MUC17: variants seen among roughly 807,000 people sequenced by gnomAD.
MUC17 encodes the protein mucin-17.
MUC17 carries 190 observed loss-of-function variants against 170.3 expected under a neutral mutation model. The observed-to-expected ratio is 1.12, with a 90% CI of 0.99 to 1.26. MUC17 has a LOEUF of 1.26. Among genes scored for constraint, MUC17 ranks in the 50% most tolerant of loss-of-function variants. The probability of loss-of-function intolerance (pLI) is 0.00; values close to 1 mark genes in which losing one functional copy is unlikely to be tolerated. For missense variants in MUC17, 6,415 were observed against 5,530.0 expected, an observed-to-expected ratio of 1.16 and a Z score of -5.08; for synonymous variants, 2,325 against 2,002.5, an observed-to-expected ratio of 1.16 and a Z score of -4.30.
Position 101,058,074 on chromosome 7 carries a change from G to A in MUC17, c.*30G>A, listed in dbSNP as rs768859443. The A allele has an allele frequency of 2.4e-5, 39 of 1,604,846 alleles. No homozygotes were observed. The South Asian group carries it at 4.3e-4, about 18-fold the overall frequency. ...TGGAGCTGAGAAGTCTGGGAGTGAG[G>A]AGATCCCAGTCCGGCTAAGCTTGGT... On this transcript the variant is annotated 3_prime_UTR_variant, in exon 13 of 13. Coordinates refer to ENST00000306151, the MANE Select transcript of MUC17 (RefSeq NM_001040105.2).
intron 11 of MUC17, among the ~76,000 whole-genome samples, chr7:101,055,286 G>A (rs1051849675): frequency 5.9e-5 from 9 of 151,968 alleles, no homozygotes; most frequent in Admixed American, 1.3e-4. Flanking sequence ...CACTGTCGGT[G>A]GGAGGTACAT....
rs1242247744 is a variant in MUC17 at position 101,051,809 on chromosome 7, G to A, written c.12950G>A (p.Cys4317Tyr). 6.2e-7 allele frequency: 1 copy of A among 1,613,436 alleles called. No homozygotes were observed. The highest frequency in any genetic ancestry group is 1.7e-5 in the Admixed American group (1 of 59,996). The stretch of plus-strand genomic sequence containing the variant: ...TCCCTGCACCCCCCACCAGAGGACT[G>A]CCGGAAGATGGCCAAGGAATATGGA... ...TVTQYDPEED[C>Y]RKMAKEYGDY... Residue 4317 changes from cysteine to tyrosine, a missense_variant, in exon 9 of 13, where the codon TGC (cysteine) becomes TAC (tyrosine). Transcript: ENST00000306151.
rs371664795 is a variant in MUC17, at chr7:101,034,393, A to C, written c.2977A>C (p.Thr993Pro). The C allele has an allele frequency of 1.7e-5, 28 of 1,608,174 alleles. No individual in the cohort carries two copies. The African/African-American group carries it at 3.8e-4, about 22-fold the overall frequency. Residue 993 changes from threonine to proline, a missense_variant, in exon 3 of 13, where the codon ACG (threonine) becomes CCG (proline). Physicochemically the swap from Thr to Pro is conservative, Grantham distance 38 (BLOSUM62 -1). Coordinates refer to ENST00000306151, the MANE Select transcript of MUC17 (RefSeq NM_001040105.2). ...TPLTSTPVSHTLVANSEASTL... is the reference protein window; with the variant it reads ...TPLTSTPVSHPLVANSEASTL... ...ATTAACAAGCACACCTGTCAGCCAC[A>C]CGCTGGTGGCCAATTCTGAGGCTAG...
chr7:101,035,485 C>A lies in MUC17; in HGVS notation c.4069C>A (p.Leu1357Ile), dbSNP rs762163753. ...TLVASSAISI[L>I]STTPVDNSTP... ...GGTGGCCAGTTCTGCAATCAGCATC[C>A]TTTCAACAACTCCTGTTGACAACAG... The change falls in exon 3 of 13, where the codon CTT becomes ATT. Residue 1357 changes from leucine to isoleucine, a missense_variant. Physicochemically the swap from Leu to Ile is conservative, Grantham distance 5 (BLOSUM62 2). Coordinates refer to ENST00000306151, the MANE Select transcript of MUC17 (RefSeq NM_001040105.2). The A allele has an allele frequency of 2.5e-6, 4 of 1,602,416 alleles. No individual in the cohort carries two copies. The highest frequency in any genetic ancestry group is 1.1e-5 in the South Asian group (1 of 90,384).
intron 11 of MUC17, among the ~76,000 whole-genome samples, chr7:101,055,399 C>T (rs552700749): frequency 6.6e-6 from 1 of 152,064 alleles, no homozygotes; most frequent in Non-Finnish European, 1.5e-5. Context: ...GTACTCATTG[C>T]AGGCACATAA....
rs769288121 is a variant in MUC17 at position 101,037,733 on chromosome 7, G to A, written c.6317G>A (p.Ser2106Asn). The A allele has an allele frequency of 1.2e-6, 2 of 1,613,398 alleles. No homozygotes were observed. The highest frequency in any genetic ancestry group is 1.7e-4 in the Middle Eastern group (1 of 6,058). The change falls in exon 3 of 13, where the codon AGT becomes AAT. Residue 2106 changes from serine (S) to asparagine (N), a missense_variant. By Grantham distance (46) the Ser-to-Asn change is conservative. Coordinates refer to ENST00000306151, the MANE Select transcript of MUC17 (RefSeq NM_001040105.2). ...APSEGSPLLTSIPLSTTPVAS... is the reference protein window; with the variant it reads ...APSEGSPLLTNIPLSTTPVAS... ...AGTGAAGGAAGTCCTCTACTAACAA[G>A]TATACCTCTCAGCACCACGCCGGTG...
At position 101,036,056 on chromosome 7, in the gene MUC17, C is replaced by A. The variant is rs751085838; in HGVS notation, c.4640C>A (p.Thr1547Asn). 1 of 1,612,232 alleles carries A rather than the reference C, an allele frequency of 6.2e-7. No homozygotes were observed. Among genetic ancestry groups the A allele is most frequent in the South Asian group, 1.1e-5 (1 of 90,876 alleles). Residue 1547 changes from threonine (T) to asparagine (N), a missense_variant, in exon 3 of 13, where the codon ACT (threonine) becomes AAT (asparagine). Coordinates refer to ENST00000306151, the MANE Select transcript of MUC17 (RefSeq NM_001040105.2). ...TPAVTSTPVT[T>N]YSQASSSPTT... Reference sequence around the variant, plus strand: ...GCTGTCACCAGCACACCTGTGACCACTTATTCTCAAGCCAGTTCATCTCCT... The same window carrying A: ...GCTGTCACCAGCACACCTGTGACCAATTATTCTCAAGCCAGTTCATCTCCT...
intron 11 of MUC17, among the ~76,000 whole-genome samples, chr7:101,054,057 CAAAAAAAAAAAAAAAAA>C (rs58623975): frequency 1.7e-3 from 67 of 40,384 alleles, no homozygotes; most frequent in East Asian, 5.1e-3. Flanking sequence ...AAGACCCTGT[CAAAAAAAAAAAAAAAAA>C]AAAAAAAAAA....
Position 101,038,566 on chromosome 7 carries a change from G to A in MUC17, c.7150G>A (p.Asp2384Asn), listed in dbSNP as rs577539877. The change falls in exon 3 of 13, where the codon GAT (aspartate) becomes AAT (asparagine). Residue 2384 changes from aspartate to asparagine, a missense_variant. Transcript: ENST00000306151. Reference protein sequence around the residue: ...QAGSSPTTADDTSMPTSTYSE... With the variant: ...QAGSSPTTADNTSMPTSTYSE... The stretch of plus-strand genomic sequence containing the variant: ...CGGTTCATCTCCTACAACTGCTGAC[G>A]ATACTAGCATGCCAACCTCAACTTA... 16 of 1,614,070 alleles carry A rather than the reference G, an allele frequency of 9.9e-6. No homozygotes were observed. In the African/African-American group the frequency reaches 1.2e-4, roughly 12 times the overall value.
intron 1 of MUC17, among the ~76,000 whole-genome samples, chr7:101,028,828 C>T (rs1318545945): frequency 6.6e-6 from 1 of 152,050 alleles, no homozygotes; most frequent in Non-Finnish European, 1.5e-5. Context: ...TTTGAGGTTG[C>T]AGTAAGCTAT....
chr7:101,021,191 T>C (rs940829690), intron 1 of MUC17, among the ~76,000 whole-genome samples: 2 of 146,066 alleles, frequency 1.4e-5, no homozygotes, highest in Non-Finnish European at 1.5e-5. Context: ...CTTTTTTTTT[T>C]TTTTTTTTTT....
In MUC17 at chr7:101,050,573, T is replaced by C. The variant is rs1440072900; in HGVS notation, c.12812T>C (p.Val4271Ala). Residue 4271 changes from valine to alanine, a missense_variant, in exon 7 of 13, where the codon GTA (valine) becomes GCA (alanine). Val to Ala is a moderately conservative substitution (Grantham distance 64). Transcript: ENST00000306151. ...YKTVLDNATEVVKEKITKVTT... is the reference protein window; with the variant it reads ...YKTVLDNATEAVKEKITKVTT... ...ACAGTATTGGACAATGCCACCGAAG[T>C]AGTGAAAGAGAAAATCACAAAAGTG... is the stretch of plus-strand genomic sequence containing the variant. 2.5e-6 allele frequency: 4 copies of C among 1,614,060 alleles called. No homozygotes were observed. Among genetic ancestry groups the C allele is most frequent in the Non-Finnish European group, 1.7e-6 (2 of 1,179,992 alleles).
rs543560929 is a variant in MUC17, at chr7:101,036,317, C to A, written c.4901C>A (p.Thr1634Lys). The change falls in exon 3 of 13, where the codon ACA (threonine) becomes AAA (lysine). Residue 1634 changes from threonine (T) to lysine (K), a missense_variant. Transcript: ENST00000306151. ...STPSEGSPLL[T>K]SIPVSTTPVA... ...CCTAGTGAAGGAAGTCCTCTATTAA[C>A]AAGTATACCTGTCAGCACCACGCCG... 2 of 1,613,602 alleles carry A rather than the reference C, an allele frequency of 1.2e-6. No homozygotes were observed. Among genetic ancestry groups the A allele is most frequent in the African/African-American group, 1.3e-5 (1 of 74,872 alleles).
intron 7 of MUC17, among the ~76,000 whole-genome samples, chr7:101,051,312 C>A (rs1158384156): frequency 7.0e-6 from 1 of 142,320 alleles, no homozygotes; most frequent in African/African-American, 2.6e-5. Flanking sequence ...TTGCAGTGAG[C>A]CGAGATTGCA....
chr7:101,053,243 C>T, intron 10 of MUC17, 96 bp downstream of exon 10: 1 of 1,575,050 alleles, frequency 6.3e-7, no homozygotes, highest in Non-Finnish European at 8.7e-7. Context: ...TCTAGGTGGG[C>T]AGCGGGGGCA....
rs1584877655 is a variant in MUC17 at position 101,052,909 on chromosome 7, A to C, written c.13104-77A>C. 4 of 1,516,478 alleles carry C rather than the reference A, an allele frequency of 2.6e-6. No individual in the cohort carries two copies. The Admixed American group carries it at 8.1e-5, about 31-fold the overall frequency. 93.9% of individuals were successfully genotyped at this position (1,516,478 alleles called of 1,614,324 possible). On this transcript the variant is annotated intron_variant, in intron 9 of 12. Transcript: ENST00000306151. ...CTTGCCTCCTCTTCATTAAACACCC[A>C]CTGGGCAGGGCCCAGGTCTGAAGCT... is the stretch of plus-strand genomic sequence containing the variant.
At chr7:101,031,367 G>A in intron 2 of MUC17, 146 bp downstream of exon 2, 1 of 1,359,356 alleles carries the variant, frequency 7.4e-7, no homozygotes, top group Non-Finnish European at 9.8e-7. Context: ...AGGCAGATGT[G>A]GAATCACCCA....
In MUC17 at chr7:101,042,990, T is replaced by C; in HGVS notation, c.11574T>C (p.Pro3858=). The change falls in exon 3 of 13, where the codon CCT becomes CCC. Residue 3858 remains proline (P), a synonymous_variant. Transcript: ENST00000306151. ...CCAAAGCCGGTTCATTCTCCATACC[T>C]GCTGAAGTCACTACCATACGTATTT... ...TSTKAGSFSI[P]AEVTTIRISI... is the part of the protein sequence containing the mutation. 6.2e-7 allele frequency: 1 copy of C among 1,614,136 alleles called. No individual in the cohort carries two copies. Among genetic ancestry groups the C allele is most frequent in the South Asian group, 1.1e-5 (1 of 91,076 alleles).
In MUC17 at chr7:101,043,636, C is replaced by T. The variant is rs1794777352; in HGVS notation, c.12220C>T (p.Pro4074Ser). The part of the protein sequence containing the change: ...PTFPPAHSST[P>S]PTTSASSTTV... ...ATTTCCTCCTGCTCACTCCAGTACA[C>T]CTCCAACAACCTCTGCCTCCTCCAC... Residue 4074 changes from proline to serine, a missense_variant, in exon 3 of 13, where the codon CCT (proline) becomes TCT (serine). By Grantham distance (74) the Pro-to-Ser change is moderately conservative (BLOSUM62 -1). Coordinates refer to ENST00000306151, the MANE Select transcript of MUC17 (RefSeq NM_001040105.2). 7 of 1,614,062 alleles carry T rather than the reference C, an allele frequency of 4.3e-6. No individual in the cohort carries two copies. The highest frequency in any genetic ancestry group is 5.9e-6 in the Non-Finnish European group (7 of 1,180,040).
Sources: allele counts gnomAD v4.1 joint callset (sites outside exome capture counted in the v4.1 genomes callset), GRCh38; gene constraint gnomAD v4.1.1; transcripts MANE v1.5; gene names NCBI Gene and HGNC (gene_info 2026-07-23, HGNC 2026-07-21).